APOLD1: variants seen among roughly 807,000 people sequenced by gnomAD.
APOLD1 encodes apolipoprotein L domain containing 1, also known as apolipoprotein L domain-containing protein 1.
APOLD1 carries 22 observed loss-of-function variants against 15.3 expected under a neutral mutation model. The ratio of observed to expected loss-of-function variants is 1.44; its 90% CI spans 1.03 to 2.05. APOLD1 has a LOEUF of 2.05. APOLD1 is among the 30% of genes most tolerant of loss of function. The pLI is 0.00. For synonymous variants in APOLD1, 190 were observed against 167.4 expected (o/e 1.13, Z -1.04); for missense variants, 394 against 353.5 (o/e 1.11, Z -0.92).
intron 1 of APOLD1, among the ~76,000 whole-genome samples, chr12:12,777,488 C>T (rs1382521719): frequency 6.6e-6 from 1 of 152,094 alleles, no homozygotes; most frequent in African/African-American, 2.4e-5. Flanking sequence ...TTAGCCAGAG[C>T]GAGATTTTTA....
intron 1 of APOLD1, among the ~76,000 whole-genome samples, chr12:12,776,991 C>G (rs1205989951): frequency 6.6e-6 from 1 of 151,942 alleles, no homozygotes; most frequent in Non-Finnish European, 1.5e-5. Flanking sequence ...GAATTAGCAC[C>G]CGCTATGCAC....
At chr12:12,746,375 A>G (rs1946765379) in intron 1 of APOLD1, among the ~76,000 whole-genome samples, 1 of 152,200 alleles carries the variant, frequency 6.6e-6, no homozygotes, top group Non-Finnish European at 1.5e-5. Context: ...AGATGCCTGT[A>G]ATCCCAGCTA....
rs114785787 is a variant in APOLD1 at position 12,749,901 on chromosome 12, A to T, written c.96+23805A>T. On this transcript the variant is annotated intron_variant, in intron 1 of 1. Coordinates refer to the APOLD1 transcript ENST00000326765. Reference sequence around the variant, plus strand: ...TTTGTTCAAAACGCCAAGAACTTGGACAACTTGCAGTCAAGACCCTCTACT... The same window carrying T: ...TTTGTTCAAAACGCCAAGAACTTGGTCAACTTGCAGTCAAGACCCTCTACT... Among the ~76,000 whole-genome samples, 1,233 of 152,278 alleles carry T rather than the reference A, an allele frequency of 8.1e-3. 19 individuals are homozygous for T. The highest frequency in any genetic ancestry group is 0.028 in the African/African-American group (1,157 of 41,544).
chr12:12,744,498 A>G (rs144831745), intron 1 of APOLD1, among the ~76,000 whole-genome samples: 1 of 152,184 alleles, frequency 6.6e-6, no homozygotes, highest in Non-Finnish European at 1.5e-5. Flanking sequence ...AATCCCAGCT[A>G]CTCAGGAGGC....
rs762687086 is a variant in APOLD1, at chr12:12,787,152, A to T, written c.247A>T (p.Thr83Ser). Residue 83 changes from threonine (T) to serine (S), a missense_variant, in exon 2 of 2, where the codon ACC becomes TCC. By Grantham distance (58) the Thr-to-Ser change is moderately conservative (BLOSUM62 1). Transcript: ENST00000356591. The surrounding 1 kb of genome is among the most constrained non-coding windows in gnomAD (Gnocchi z 4.9). ...GLSLSPVTLG[T>S]SLLVSAVGLG... The stretch of plus-strand genomic sequence containing the variant: ...CTCGCTCAGCCCGGTCACCCTGGGG[A>T]CCTCGCTGCTGGTGTCGGCCGTGGG... 6.6e-7 allele frequency: 1 copy of T among 1,513,694 alleles called. No individual in the cohort carries two copies. The highest frequency in any genetic ancestry group is 1.3e-5 in the South Asian group (1 of 77,806). The allele number at this position is 1,513,694 out of a possible 1,614,324, so 93.8% of individuals were successfully genotyped here. A position where few individuals can be genotyped will look rare whatever the true frequency, so the allele number is the denominator to read the frequency against.
At chr12:12,757,708 G>A (rs746575540) in intron 1 of APOLD1, among the ~76,000 whole-genome samples, 5 of 151,118 alleles carry the variant, frequency 3.3e-5, no homozygotes, top group East Asian at 1.9e-4. Flanking sequence ...GGTAATTCAC[G>A]TAACATACAA....
chr12:12,769,435 A>G (rs1946968527), intron 1 of APOLD1, among the ~76,000 whole-genome samples: 1 of 152,172 alleles, frequency 6.6e-6, no homozygotes, highest in Admixed American at 6.6e-5. Context: ...GGAGTGGGAA[A>G]ACCTGAACTG....
chr12:12,741,851 G>A (rs1356229346), intron 1 of APOLD1, among the ~76,000 whole-genome samples: 1 of 152,224 alleles, frequency 6.6e-6, no homozygotes, highest in Non-Finnish European at 1.5e-5. Flanking sequence ...CCTTGGAGCT[G>A]TAGCTCAACA....
At chr12:12,783,266 C>T (rs1268955889), upstream of APOLD1, among the ~76,000 whole-genome samples, 1 of 152,064 alleles carries the variant, frequency 6.6e-6, no homozygotes, top group Admixed American at 6.6e-5. Context: ...GTTCAAGTGT[C>T]AGTTCTTATA....
intron 1 of APOLD1, among the ~76,000 whole-genome samples, chr12:12,746,498 A>AATAAATAAATAAATAAATAC (rs1946766894): frequency 6.7e-6 from 1 of 149,038 alleles, no homozygotes; most frequent in African/African-American, 2.5e-5. Context: ...CTCCATCTCA[A>AATAAATAAATAAATAAATAC]ATAAATAAAT....
In APOLD1 at chr12:12,787,340, G is replaced by C. The variant is rs758958919; in HGVS notation, c.435G>C (p.Gln145His). ...LSCLEFFCRW[Q>H]GCGDRQLLQC... ...GCCTCGAGTTTTTCTGCCGCTGGCA[G>C]GGCTGCGGGGACCGCCAGCTGCTGC... The change falls in exon 2 of 2, where the codon CAG becomes CAC. Residue 145 changes from glutamine (Q) to histidine (H), a missense_variant. Transcript: ENST00000356591. The surrounding 1 kb of genome is among the most constrained non-coding windows in gnomAD (Gnocchi z 4.9). The C allele has an allele frequency of 3.7e-6, 6 of 1,613,820 alleles. No homozygotes were observed. The highest frequency in any genetic ancestry group is 5.1e-6 in the Non-Finnish European group (6 of 1,180,036).
upstream of APOLD1, among the ~76,000 whole-genome samples, chr12:12,781,273 T>A (rs1027206739): frequency 1.3e-5 from 2 of 152,002 alleles, no homozygotes; most frequent in African/African-American, 4.8e-5. Flanking sequence ...TGAAACCCCG[T>A]CTCTACTAAA....
Position 12,745,985 on chromosome 12 carries a change from G to T in APOLD1, c.96+19889G>T, listed in dbSNP as rs184666308. 3.4e-4 allele frequency among the ~76,000 whole-genome samples: 52 copies of T among 152,186 alleles called. 3 individuals are homozygous for T. Among genetic ancestry groups the T allele is most frequent in the African/African-American group, 1.3e-3 (52 of 41,466 alleles). On this transcript the variant is annotated intron_variant, in intron 1 of 1. Coordinates refer to the APOLD1 transcript ENST00000326765. ...CCTGTCTCCATTTTTTGTGGCTGAG[G>T]TTCACACTACTTAGCAGAGCTAAAT... is the stretch of plus-strand genomic sequence containing the variant.
At chr12:12,765,839 C>T (rs1410492611) in intron 1 of APOLD1, among the ~76,000 whole-genome samples, 1 of 152,144 alleles carries the variant, frequency 6.6e-6, no homozygotes, top group African/African-American at 2.4e-5. Flanking sequence ...CACTGTCGTC[C>T]AGTCTGAGCA....
At chr12:12,780,096 A>G (rs1407559613) in intron 1 of APOLD1, among the ~76,000 whole-genome samples, 4 of 152,072 alleles carry the variant, frequency 2.6e-5, no homozygotes, top group Non-Finnish European at 5.9e-5. Context: ...AAATAATGAT[A>G]TTTCTTTAAG....
In APOLD1 at chr12:12,777,889, GTTTTTTTTTTTTTT is replaced by G. The variant is rs71436735; in HGVS notation, c.97-8997_97-8984del. Among the ~76,000 whole-genome samples the G allele has an allele frequency of 3.6e-3, 419 of 117,084 alleles. 1 individual carries two copies. Among genetic ancestry groups the G allele is most frequent in the African/African-American group, 0.014 (362 of 26,668 alleles). 76.8% of individuals were successfully genotyped at this position (117,084 alleles called of 152,430 possible). A position where few individuals can be genotyped will look rare whatever the true frequency, so the allele number is the denominator to read the frequency against. ...AAATATCTTCTCTACAAGGAAAGGTGTTTTTTTTTTTTTTTTTTTTTTTTTTTTTTTTTTTTGTT... is the reference window on the plus strand; with the variant it reads ...AAATATCTTCTCTACAAGGAAAGGTGTTTTTTTTTTTTTTTTTTTTTTGTT... On this transcript the variant is annotated intron_variant, in intron 1 of 1. Transcript: ENST00000326765.
Position 12,726,080 on chromosome 12 carries a change from TC to T in APOLD1, c.84del (p.Cys29AlafsTer57), listed in dbSNP as rs1946589466. The T allele has an allele frequency of 1.3e-6, 2 of 1,486,252 alleles. No homozygotes were observed. Among genetic ancestry groups the T allele is most frequent in the South Asian group, 2.5e-5 (2 of 81,438 alleles). The allele number at this position is 1,486,252 out of a possible 1,614,324, so 92.1% of individuals were successfully genotyped here. A position where few individuals can be genotyped will look rare whatever the true frequency, so the allele number is the denominator to read the frequency against. ...GCAGGAGCCTGGCGAGGATGCACCT[TC>T]CCCTGCCTTGGAAAGGTAGAACTGG... is the stretch of plus-strand genomic sequence containing the variant. On this transcript the variant is annotated frameshift_variant, in exon 1 of 2. Transcript: ENST00000326765. LOFTEE classifies it high-confidence loss of function.
chr12:12,749,595 G>T (rs1311336011), intron 1 of APOLD1, among the ~76,000 whole-genome samples: 1 of 152,166 alleles, frequency 6.6e-6, no homozygotes, highest in Non-Finnish European at 1.5e-5. Context: ...GTTTGCACAG[G>T]AGTGTGACGT....
chr12:12,754,228 GA>G (rs377332933), intron 1 of APOLD1, among the ~76,000 whole-genome samples: 323 of 145,050 alleles, frequency 2.2e-3, no homozygotes, highest in Middle Eastern at 0.014. Flanking sequence ...AAGAAAAAAA[GA>G]AAAAAACATC....
Sources: gnomAD v4.1 joint callset for allele counts (sites outside exome capture counted in the v4.1 genomes callset) on GRCh38, gnomAD v4.1.1 for gene constraint, Gnocchi (gnomAD v3.1) non-coding constraint, MANE v1.5 for transcripts, NCBI Gene and HGNC (gene_info 2026-07-23, HGNC 2026-07-21) for gene names.